SOX6: variants seen among roughly 807,000 people sequenced by gnomAD.
The protein encoded by SOX6 is transcription factor SOX-6.
In SOX6, 11 loss-of-function variants were observed where a neutral mutation model predicts 97.8. The observed-to-expected ratio is 0.11, with a 90% CI of 0.07 to 0.19. The LOEUF (loss-of-function observed/expected upper bound fraction) is 0.19, where lower values mean the gene tolerates loss of function less well. Ranked by LOEUF, SOX6 falls within the 10% of genes least tolerant of loss-of-function variation. SOX6 has a pLI of 1.00. For missense variants in SOX6, 810 were observed against 1,039.5 expected (o/e 0.78, Z 3.04); for synonymous variants, 360 against 371.4 (o/e 0.97, Z 0.35).
At chr11:16,738,213 C>T (rs1331121803) in intron 1 of SOX6, among the ~76,000 whole-genome samples, 1 of 151,958 alleles carries the variant, frequency 6.6e-6, no homozygotes, top group African/African-American at 2.4e-5. Flanking sequence ...ATAGAGAACA[C>T]CAGGGTGGAA....
chr11:16,352,315 T>C (rs970711252), intron 1 of SOX6, among the ~76,000 whole-genome samples: 4 of 150,658 alleles, frequency 2.7e-5, no homozygotes, highest in South Asian at 2.1e-4. Context: ...TGGATGGATG[T>C]TGAAGAGATG....
chr11:16,524,282 GATCAAGTGGGCTTC>G (rs1861119330), intron 4 of SOX6, among the ~76,000 whole-genome samples: 1 of 151,380 alleles, frequency 6.6e-6, no homozygotes, highest in Admixed American at 6.6e-5. Flanking sequence ...TATCCACCAT[GATCAAGTGGGCTTC>G]ATCCCTGGGA....
At chr11:16,122,029 T>G (rs1473880247) in intron 6 of SOX6, among the ~76,000 whole-genome samples, 1 of 152,018 alleles carries the variant, frequency 6.6e-6, no homozygotes, top group Non-Finnish European at 1.5e-5. Flanking sequence ...TAGTGGGTAT[T>G]TTATTCAGAT....
intron 3 of SOX6, among the ~76,000 whole-genome samples, chr11:16,664,248 G>A (rs1288244878): frequency 6.6e-6 from 1 of 152,190 alleles, no homozygotes; most frequent in African/African-American, 2.4e-5. Context: ...AGCAATCACA[G>A]TACCTAATTT....
chr11:16,640,238 C>T (rs569386850), intron 3 of SOX6, among the ~76,000 whole-genome samples: 62 of 152,248 alleles, frequency 4.1e-4, no homozygotes, highest in African/African-American at 1.2e-3. Context: ...TTTGAACCAG[C>T]CTTGCATCCC....
intron 2 of SOX6, among the ~76,000 whole-genome samples, chr11:16,321,481 C>T (rs1855924848): frequency 1.3e-5 from 2 of 151,288 alleles, no homozygotes; most frequent in South Asian, 4.2e-4. Flanking sequence ...CAAAGAGTAC[C>T]ATTTTTTTTC....
At chr11:16,103,177 A>T (rs1053978710) in intron 7 of SOX6, among the ~76,000 whole-genome samples, 2 of 151,766 alleles carry the variant, frequency 1.3e-5, no homozygotes, top group African/African-American at 4.8e-5. Flanking sequence ...AATCGCAAGA[A>T]AAAAAACAAA....
intron 4 of SOX6, among the ~76,000 whole-genome samples, chr11:16,566,041 AGCCGAGATCGG>A (rs1354724463): frequency 2.0e-5 from 3 of 149,842 alleles, no homozygotes; most frequent in African/African-American, 7.4e-5. Context: ...GCTTGCAGTG[AGCCGAGATCGG>A]GCCACTGCAC....
At chr11:16,402,917 T>C in intron 1 of SOX6, 3 of 1,412,854 alleles carry the variant, frequency 2.1e-6, no homozygotes, top group South Asian at 2.5e-5. Flanking sequence ...AAAAGAACCC[T>C]GTCCTTTCAA....
intron 1 of SOX6, among the ~76,000 whole-genome samples, chr11:16,430,487 G>A (rs1859253213): frequency 2.0e-5 from 3 of 152,060 alleles, no homozygotes; most frequent in Admixed American, 2.0e-4. Flanking sequence ...TAGAAGGTGG[G>A]ACCTCTCAAA....
At chr11:16,054,533 AT>A (rs1378603392) in intron 10 of SOX6, among the ~76,000 whole-genome samples, 6 of 152,162 alleles carry the variant, frequency 3.9e-5, no homozygotes, top group Admixed American at 3.9e-4. Context: ...TCTCTTAGTG[AT>A]TTTCACTTTT....
At chr11:16,589,858 C>A (rs562999021) in intron 4 of SOX6, among the ~76,000 whole-genome samples, 1 of 152,058 alleles carries the variant, frequency 6.6e-6, no homozygotes, top group Admixed American at 6.6e-5. Context: ...TCATACAATG[C>A]TCAATCAGTA....
At chr11:16,130,193 G>T (rs1849706087) in intron 6 of SOX6, among the ~76,000 whole-genome samples, 2 of 151,712 alleles carry the variant, frequency 1.3e-5, no homozygotes, top group Admixed American at 1.3e-4. Flanking sequence ...ATTTACATTA[G>T]CATAAAAATA....
chr11:16,303,730 T>A (rs190666634), intron 3 of SOX6, among the ~76,000 whole-genome samples: 10 of 152,320 alleles, frequency 6.6e-5, no homozygotes, highest in African/African-American at 2.4e-4. Flanking sequence ...ATTTTTACCA[T>A]GTTGAGTCTC....
At chr11:16,039,230 C>T (rs1285724482) in intron 12 of SOX6, among the ~76,000 whole-genome samples, 1 of 152,038 alleles carries the variant, frequency 6.6e-6, no homozygotes, top group Non-Finnish European at 1.5e-5. Flanking sequence ...TCACTGCAAA[C>T]CACCCAAAAT....
intron 1 of SOX6, among the ~76,000 whole-genome samples, chr11:16,460,487 G>T (rs995540311): frequency 6.6e-6 from 1 of 151,952 alleles, no homozygotes; most frequent in African/African-American, 2.4e-5. Flanking sequence ...GAATGACAAG[G>T]ATCCCCAACA....
intron 4 of SOX6, among the ~76,000 whole-genome samples, chr11:16,604,564 C>T (rs549387569): frequency 8.5e-5 from 13 of 152,256 alleles, no homozygotes; most frequent in South Asian, 8.3e-4. Context: ...CATCCGAGCG[C>T]CCATTGACAG....
intron 3 of SOX6, among the ~76,000 whole-genome samples, chr11:16,631,159 C>T (rs996734530): frequency 5.3e-5 from 8 of 151,650 alleles, no homozygotes; most frequent in South Asian, 2.1e-4. Flanking sequence ...GTTTCTATTG[C>T]GTGGTTGCTT....
intron 3 of SOX6, among the ~76,000 whole-genome samples, chr11:16,643,303 G>T (rs1331619705): frequency 6.6e-6 from 1 of 152,218 alleles, no homozygotes; most frequent in African/African-American, 2.4e-5. Flanking sequence ...ACCCAGCCAT[G>T]TGAGGTGTCA....
Sources: gnomAD v4.1 joint callset for allele counts (sites outside exome capture counted in the v4.1 genomes callset) on GRCh38, gnomAD v4.1.1 for gene constraint, MANE v1.5 for transcripts, NCBI Gene and HGNC (gene_info 2026-07-23, HGNC 2026-07-21) for gene names.